C9orf50: variants seen among roughly 807,000 people sequenced by gnomAD.
The protein encoded by C9orf50 is uncharacterized protein C9orf50.
Under a neutral mutation model 42.5 loss-of-function variants are expected in C9orf50, and 33 were observed. The observed-to-expected ratio is 0.78, with a 90% CI of 0.59 to 1.04. The LOEUF (loss-of-function observed/expected upper bound fraction) is 1.04, where lower values mean the gene tolerates loss of function less well. C9orf50 is among the 50% of genes least tolerant of loss of function. The probability of loss-of-function intolerance (pLI) is 0.00; values close to 1 mark genes in which losing one functional copy is unlikely to be tolerated. For missense variants in C9orf50, 547 were observed against 594.3 expected (o/e 0.92, Z 0.83); for synonymous variants, 257 against 273.4 (o/e 0.94, Z 0.59).
Position 129,613,544 on chromosome 9 carries a change from G to A in C9orf50, c.934C>T (p.Arg312Trp), listed in dbSNP as rs150697927. ...CGTTTTCCGACACTCCCAAACACCCGCTCGGACGCCACTGGCAGGGCGGCC... is the reference window on the plus strand; with the variant it reads ...CGTTTTCCGACACTCCCAAACACCCACTCGGACGCCACTGGCAGGGCGGCC... The change falls in exon 5 of 7, where the codon CGG (arginine) becomes TGG (tryptophan). Residue 312 changes from arginine to tryptophan, a missense_variant. Coordinates refer to ENST00000372478, the Ensembl canonical transcript of C9orf50. This position sits in a 1 kb window ranked among gnomAD's most constrained non-coding sequence, Gnocchi z 6.2. The A allele has an allele frequency of 8.1e-6, 13 of 1,614,134 alleles. No homozygotes were observed. The highest frequency in any genetic ancestry group is 4.4e-5 in the South Asian group (4 of 91,086).
chr9:129,620,710 G>T lies in C9orf50; in HGVS notation c.-136C>A. On this transcript the variant is annotated 5_prime_UTR_variant, in exon 1 of 7. Transcript: ENST00000372478. The surrounding 1 kb of genome is among the most constrained non-coding windows in gnomAD (Gnocchi z 5.8). ...AGCGCGGTGCGGGGTGAACGCCACC[G>T]GCCCGGCGGACAGCGAGTGGCTTCA... 1.3e-6 allele frequency: 1 copy of T among 772,906 alleles called. No homozygotes were observed. The highest frequency in any genetic ancestry group is 1.8e-6 in the Non-Finnish European group (1 of 569,792). 47.9% of individuals were successfully genotyped at this position (772,906 alleles called of 1,614,324 possible).
chr9:129,612,615 C>T (rs915627313), intron 6 of C9orf50, among the ~76,000 whole-genome samples, 161 bp from the exon 7 acceptor site: 3 of 152,354 alleles, frequency 2.0e-5, no homozygotes, highest in South Asian at 2.1e-4. Flanking sequence ...CGGTGGCTCT[C>T]GCCTGTAATC....
chr9:129,619,502 ATCCCG>A lies in C9orf50; in HGVS notation c.716+13_716+17del. 6.3e-7 allele frequency: 1 copy of A among 1,578,862 alleles called. No individual in the cohort carries two copies. The highest frequency in any genetic ancestry group is 8.7e-7 in the Non-Finnish European group (1 of 1,149,796). ...CCCTTTCCTCCACTACCCTACCCTT[ATCCCG>A]CCCATCACTCACTGGTTGGCCTTTC... On this transcript the variant is annotated intron_variant, in intron 3 of 6. Transcript: ENST00000372478.
chr9:129,621,887 G>A (rs1486866621), upstream of C9orf50, among the ~76,000 whole-genome samples: 2 of 152,156 alleles, frequency 1.3e-5, no homozygotes, highest in Non-Finnish European at 2.9e-5. Context: ...CTCTCTACAG[G>A]CAGGCTGTAG....
In C9orf50 at chr9:129,613,658, C is replaced by T; in HGVS notation, c.881-61G>A. The T allele has an allele frequency of 2.5e-6, 4 of 1,598,082 alleles. No homozygotes were observed. The highest frequency in any genetic ancestry group is 2.6e-6 in the Non-Finnish European group (3 of 1,170,006). ...GGAGGAGGGCACTGGTGCCCCCACC[C>T]TCTTTTCCTCCCTCTGGCAGGCAGG... On this transcript the variant is annotated intron_variant, in intron 4 of 6. Transcript: ENST00000372478. This position sits in a 1 kb window ranked among gnomAD's most constrained non-coding sequence, Gnocchi z 6.2.
At chr9:129,618,425 G>T (rs997508164) in intron 3 of C9orf50, among the ~76,000 whole-genome samples, 1 of 152,110 alleles carries the variant, frequency 6.6e-6, no homozygotes, top group Non-Finnish European at 1.5e-5. Flanking sequence ...TGGGTGGGTG[G>T]GTTGATGGGT....
rs183526900 is a variant in C9orf50, at chr9:129,615,226, G to A, written c.880+258C>T. 1.2e-3 allele frequency among the ~76,000 whole-genome samples: 190 copies of A among 152,340 alleles called. 1 individual carries two copies. Among genetic ancestry groups the A allele is most frequent in the Non-Finnish European group, 8.4e-4 (57 of 68,036 alleles). Reference sequence around the variant, plus strand: ...CAAGGTGGGCAGATACAGCATATGGGAACCCCTTGGCAGCGAGCAGTCCAA... The same window carrying A: ...CAAGGTGGGCAGATACAGCATATGGAAACCCCTTGGCAGCGAGCAGTCCAA... On this transcript the variant is annotated intron_variant, in intron 4 of 6. Coordinates refer to ENST00000372478, the Ensembl canonical transcript of C9orf50.
intron 3 of C9orf50, among the ~76,000 whole-genome samples, chr9:129,618,755 C>A (rs761125647): frequency 3.9e-5 from 6 of 152,050 alleles, no homozygotes; most frequent in Admixed American, 6.5e-5. Context: ...TGCAATGGCA[C>A]AATCTCAGCT....
In C9orf50 at chr9:129,620,059, G is replaced by A; in HGVS notation, c.508+8C>T. The A allele has an allele frequency of 6.9e-7, 1 of 1,453,346 alleles. No homozygotes were observed. Among genetic ancestry groups the A allele is most frequent in the Non-Finnish European group, 9.1e-7 (1 of 1,101,068 alleles). The allele number at this position is 1,453,346 out of a possible 1,614,324, so 90.0% of individuals were successfully genotyped here. ...CGGGCCCGCCCCCCGGGCCCCGCGGGGCCTCACTCAGTGGCTCCGGCTCCT... is the reference window on the plus strand; with the variant it reads ...CGGGCCCGCCCCCCGGGCCCCGCGGAGCCTCACTCAGTGGCTCCGGCTCCT... On this transcript the variant is annotated splice_region_variant and intron_variant, in intron 1 of 6. Coordinates refer to ENST00000372478, the Ensembl canonical transcript of C9orf50. The surrounding 1 kb of genome is among the most constrained non-coding windows in gnomAD (Gnocchi z 5.8).
chr9:129,620,042 C>G lies in C9orf50; in HGVS notation c.508+25G>C, dbSNP rs979850751. On this transcript the variant is annotated intron_variant, in intron 1 of 6. Transcript: ENST00000372478. The surrounding 1 kb of genome is among the most constrained non-coding windows in gnomAD (Gnocchi z 5.8). ...CCCCACCGGAAATGACTCGGGCCCG[C>G]CCCCCGGGCCCCGCGGGGCCTCACT... 1 of 1,451,422 alleles carries G rather than the reference C, an allele frequency of 6.9e-7. No homozygotes were observed. Among genetic ancestry groups the G allele is most frequent in the African/African-American group, 1.4e-5 (1 of 69,698 alleles). 89.9% of individuals were successfully genotyped at this position (1,451,422 alleles called of 1,614,324 possible). A position where few individuals can be genotyped will look rare whatever the true frequency, so the allele number is the denominator to read the frequency against.
exon 4 of C9orf50, chr9:129,615,518 G>A: frequency 1.2e-6 from 2 of 1,610,088 alleles, no homozygotes; most frequent in Non-Finnish European, 8.5e-7. Context: ...GGAGCGTTGT[G>A]TCCTGCAGGG....
chr9:129,616,056 T>G (rs918657988), intron 3 of C9orf50, among the ~76,000 whole-genome samples: 16 of 152,164 alleles, frequency 1.1e-4, no homozygotes, highest in African/African-American at 3.4e-4. Context: ...CAGTCCTGGG[T>G]TTCATTCCTG....
chr9:129,619,340 T>G (rs1448905262), intron 3 of C9orf50, among the ~76,000 whole-genome samples, 180 bp downstream of exon 3: 1 of 152,194 alleles, frequency 6.6e-6, no homozygotes, highest in Non-Finnish European at 1.5e-5. Context: ...ATTGATGAAC[T>G]GGCGAATGAA....
chr9:129,612,232 G>A (rs886953969), exon 7 of C9orf50: 1 of 810,560 alleles, frequency 1.2e-6, no homozygotes, highest in South Asian at 1.6e-5. Context: ...GGCTTGTGGT[G>A]TGACACCTAC....
In C9orf50 at chr9:129,613,070, C is replaced by T. The variant is rs757602996; in HGVS notation, c.1188+37G>A. The T allele has an allele frequency of 5.0e-6, 8 of 1,612,154 alleles. No individual in the cohort carries two copies. In the Admixed American group the frequency reaches 1.3e-4, roughly 27 times the overall value. On this transcript the variant is annotated intron_variant, in intron 6 of 6. Transcript: ENST00000372478. This position sits in a 1 kb window ranked among gnomAD's most constrained non-coding sequence, Gnocchi z 6.2. ...GGAGCCAGCTGCCAGCAGGGGCTCA[C>T]CAGCTTCTAGGTCCAGGAGCAAGAC...
intron 3 of C9orf50, among the ~76,000 whole-genome samples, chr9:129,618,927 G>T (rs1830532199): frequency 6.6e-6 from 1 of 150,924 alleles, no homozygotes; most frequent in Non-Finnish European, 1.5e-5. Context: ...TGTTATCCAG[G>T]GTGGTCTCAA....
At chr9:129,618,767 A>T (rs1830513185) in intron 3 of C9orf50, among the ~76,000 whole-genome samples, 1 of 151,864 alleles carries the variant, frequency 6.6e-6, no homozygotes, top group Admixed American at 6.6e-5. Flanking sequence ...ATCTCAGCTC[A>T]CTGCAAGCTC....
rs548738466 is a variant in C9orf50 at position 129,620,155 on chromosome 9, G to T, written c.420C>A (p.Gly140=). ...TGGGGAGGAGCTCTCCTAGGAAGGC[G>T]CCCAAGAAGTCGGGGTCCTCCCTGG... Residue 140 remains glycine (G), a synonymous_variant, in exon 1 of 7, where the codon GGC becomes GGA. Coordinates refer to ENST00000372478, the Ensembl canonical transcript of C9orf50. This position sits in a 1 kb window ranked among gnomAD's most constrained non-coding sequence, Gnocchi z 5.8. 1.6e-4 allele frequency: 241 copies of T among 1,462,376 alleles called. 2 individuals carry two copies. In the South Asian group the frequency reaches 3.2e-3, roughly 20 times the overall value. The allele number at this position is 1,462,376 out of a possible 1,614,324, so 90.6% of individuals were successfully genotyped here.
At chr9:129,615,189 G>A (rs760445396) in intron 4 of C9orf50, among the ~76,000 whole-genome samples, 9 of 152,176 alleles carry the variant, frequency 5.9e-5, no homozygotes, top group African/African-American at 9.7e-5. Flanking sequence ...TGGAGGCTCC[G>A]GCTACGGGTC....
Sources: allele counts gnomAD v4.1 joint callset (sites outside exome capture counted in the v4.1 genomes callset), GRCh38; gene constraint gnomAD v4.1.1; non-coding constraint Gnocchi (gnomAD v3.1); transcripts MANE v1.5; gene names NCBI Gene and HGNC (gene_info 2026-07-23, HGNC 2026-07-21).